WDR45B: variants seen among roughly 807,000 people sequenced by gnomAD.
WDR45B encodes WD repeat domain phosphoinositide-interacting protein 3.
A neutral mutation model predicts 44.6 loss-of-function variants in WDR45B; 20 were observed. The observed-to-expected ratio is 0.45, with a 90% CI of 0.32 to 0.65. The LOEUF (loss-of-function observed/expected upper bound fraction) is 0.65, where lower values mean the gene tolerates loss of function less well. Ranked by LOEUF, WDR45B falls within the 30% of genes least tolerant of loss-of-function variation. The probability of loss-of-function intolerance (pLI) is 0.05; values close to 1 mark genes in which losing one functional copy is unlikely to be tolerated. For missense variants in WDR45B, 323 were observed against 430.2 expected (o/e 0.75, Z 2.20); for synonymous variants, 169 against 164.9 (o/e 1.02, Z -0.19).
chr17:82,633,006 T>C (rs1327618016), intron 2 of WDR45B, among the ~76,000 whole-genome samples: 2 of 151,942 alleles, frequency 1.3e-5, no homozygotes, highest in African/African-American at 4.8e-5. Flanking sequence ...CTACTAAAAA[T>C]ACAAAAATTA....
At chr17:82,616,069 C>T in intron 9 of WDR45B, 44 bp from the exon 10 acceptor site, 1 of 1,572,110 alleles carries the variant, frequency 6.4e-7, no homozygotes, top group South Asian at 1.1e-5. Flanking sequence ...TTCTTTCCCT[C>T]AAGTTAAAAG....
chr17:82,616,403 T>C, intron 9 of WDR45B, 121 bp downstream of exon 9: 2 of 1,502,152 alleles, frequency 1.3e-6, no homozygotes, highest in Non-Finnish European at 1.8e-6. Flanking sequence ...TAAGGGGAAC[T>C]GGGCGGCCAT....
intron 1 of WDR45B, among the ~76,000 whole-genome samples, chr17:82,646,535 A>C (rs1236111902): frequency 6.6e-6 from 1 of 151,426 alleles, no homozygotes; most frequent in East Asian, 1.9e-4. Flanking sequence ...AAACAGCTAG[A>C]AACAAAAATA....
intron 2 of WDR45B, among the ~76,000 whole-genome samples, chr17:82,642,179 C>T (rs1320840073): frequency 6.6e-6 from 1 of 152,060 alleles, no homozygotes; most frequent in South Asian, 2.1e-4. Flanking sequence ...CAGTACTGGT[C>T]CGTGGCCTGT....
chr17:82,616,703 C>T (rs2045540875), intron 8 of WDR45B, 58 bp from the exon 9 acceptor site: 18 of 1,609,008 alleles, frequency 1.1e-5, no homozygotes, highest in South Asian at 7.7e-5. Context: ...AAATCACCTG[C>T]GTAAGCTCAG....
At chr17:82,641,246 C>T (rs1485731301) in intron 2 of WDR45B, among the ~76,000 whole-genome samples, 14 of 152,080 alleles carry the variant, frequency 9.2e-5, no homozygotes, top group Admixed American at 8.5e-4. Flanking sequence ...GGATTACAGG[C>T]GTGAGCCACC....
At chr17:82,647,846 G>C (rs1407559356) in intron 1 of WDR45B, among the ~76,000 whole-genome samples, 1 of 151,898 alleles carries the variant, frequency 6.6e-6, no homozygotes, top group African/African-American at 2.4e-5. Context: ...CGGGGTTCTG[G>C]GCAGGGCGTC....
intron 4 of WDR45B, chr17:82,626,817 C>T (rs374629407): frequency 4.4e-5 from 12 of 272,816 alleles, no homozygotes; most frequent in East Asian, 9.0e-5. Context: ...ACCTTCAAAC[C>T]GAAAACCTTT....
chr17:82,637,836 G>C (rs1452948604), intron 2 of WDR45B, among the ~76,000 whole-genome samples: 1 of 151,778 alleles, frequency 6.6e-6, no homozygotes, highest in Non-Finnish European at 1.5e-5. Flanking sequence ...TCCTTTCCCA[G>C]GGGCAGAGGG....
chr17:82,643,048 G>A (rs1025971474), intron 2 of WDR45B, among the ~76,000 whole-genome samples: 14 of 152,132 alleles, frequency 9.2e-5, no homozygotes, highest in East Asian at 5.8e-4. Context: ...CCTAATGTGC[G>A]CGCAGGCATT....
At position 82,644,038 on chromosome 17, in the gene WDR45B, TAA is replaced by T. The variant is rs1417578797; in HGVS notation, c.68-17_68-16del. 4 of 1,613,544 alleles carry T rather than the reference TAA, an allele frequency of 2.5e-6. No individual in the cohort carries two copies. The highest frequency in any genetic ancestry group is 3.3e-5 in the Admixed American group (2 of 59,976). On this transcript the variant is annotated splice_polypyrimidine_tract_variant and intron_variant, in intron 1 of 9. Transcript: ENST00000392325. ...CGCAAAGCATCCTAAAGCAGAAGTGTAAAAGAGACATTAATCCCCAGGCCTGG... is the reference window on the plus strand; with the variant it reads ...CGCAAAGCATCCTAAAGCAGAAGTGTAAGAGACATTAATCCCCAGGCCTGG...
rs1000628198 is a variant in WDR45B, at chr17:82,615,265, C to G, written c.*654G>C. The stretch of plus-strand genomic sequence containing the variant: ...CTCATTCTAATGGCCCCAACGGAGA[C>G]GGGGACGCCACGCACGGGCACAGGT... On this transcript the variant is annotated 3_prime_UTR_variant, in exon 10 of 10. Transcript: ENST00000392325. 6.4e-6 allele frequency: 1 copy of G among 156,238 alleles called. No homozygotes were observed. Among genetic ancestry groups the G allele is most frequent in the African/African-American group, 2.4e-5 (1 of 41,392 alleles). The allele number at this position is 156,238 out of a possible 1,614,324, so 9.7% of individuals were successfully genotyped here.
intron 2 of WDR45B, among the ~76,000 whole-genome samples, chr17:82,643,304 G>A (rs1234293352): frequency 6.6e-6 from 1 of 152,122 alleles, no homozygotes; most frequent in Admixed American, 6.5e-5. Context: ...GTGGTGGTGG[G>A]TGCCTGTAAT....
intron 1 of WDR45B, among the ~76,000 whole-genome samples, chr17:82,646,115 C>T (rs1476957362): frequency 7.2e-6 from 1 of 139,638 alleles, no homozygotes; most frequent in African/African-American, 2.7e-5. Context: ...CAAGATCCGT[C>T]TCGGAAAAAG....
chr17:82,618,712 C>T (rs555543680), intron 7 of WDR45B, among the ~76,000 whole-genome samples: 2 of 151,936 alleles, frequency 1.3e-5, no homozygotes, highest in Admixed American at 6.6e-5. Flanking sequence ...CCAGCCTGGG[C>T]GACAGAGCAA....
Position 82,648,419 on chromosome 17 carries a change from G to A in WDR45B, c.-79C>T. The A allele has an allele frequency of 6.5e-7, 1 of 1,535,056 alleles. No homozygotes were observed. ...ACGGCGGCCTGGTCCCTTCGGGCCG[G>A]CGCTGAGGCCGCCGCGGCCGGAAGT... On this transcript the variant is annotated 5_prime_UTR_variant, in exon 1 of 10. Coordinates refer to ENST00000392325, the MANE Select transcript of WDR45B (RefSeq NM_019613.4).
chr17:82,636,720 G>A (rs575135222), intron 2 of WDR45B: 5 of 151,952 alleles, frequency 3.3e-5, no homozygotes, highest in East Asian at 3.9e-4. Context: ...CTTTGTTCTC[G>A]AACTCGACTT....
intron 3 of WDR45B, among the ~76,000 whole-genome samples, chr17:82,627,968 C>G (rs188638166): frequency 5.7e-4 from 87 of 152,362 alleles, no homozygotes; most frequent in African/African-American, 1.9e-3. Context: ...TCACTCCACT[C>G]AAGGTCCTGG....
At chr17:82,635,421 T>C (rs950225713) in intron 2 of WDR45B, among the ~76,000 whole-genome samples, 2 of 145,558 alleles carry the variant, frequency 1.4e-5, no homozygotes, top group Non-Finnish European at 1.5e-5. Flanking sequence ...CATAAGTCTT[T>C]TCAGGTTTTT....
Sources: allele counts gnomAD v4.1 joint callset (sites outside exome capture counted in the v4.1 genomes callset), GRCh38; gene constraint gnomAD v4.1.1; transcripts MANE v1.5; gene names NCBI Gene and HGNC (gene_info 2026-07-23, HGNC 2026-07-21).